The following FAM151B variants were observed in gnomAD, a reference collection of about 807,000 sequenced individuals.
The protein encoded by FAM151B is protein FAM151B.
A neutral mutation model predicts 31.2 loss-of-function variants in FAM151B; 24 were observed. The ratio of observed to expected loss-of-function variants is 0.77; its 90% CI spans 0.56 to 1.08. The LOEUF (loss-of-function observed/expected upper bound fraction) is 1.08, where lower values mean the gene tolerates loss of function less well. Among genes scored for constraint, FAM151B ranks in the 50% least tolerant of loss-of-function variants. FAM151B has a pLI of 0.00. For missense variants in FAM151B, 293 were observed against 328.6 expected, an observed-to-expected ratio of 0.89 and a Z score of 0.84; for synonymous variants, 105 against 111.4, an observed-to-expected ratio of 0.94 and a Z score of 0.36.
Position 80,538,524 on chromosome 5 carries a change from C to T in FAM151B, c.672-3149C>T, listed in dbSNP as rs1244681501. 1.6e-4 allele frequency among the ~76,000 whole-genome samples: 13 copies of T among 82,898 alleles called. 1 individual carries two copies. Among genetic ancestry groups the T allele is most frequent in the African/African-American group, 1.0e-3 (10 of 10,048 alleles). 54.4% of individuals were successfully genotyped at this position (82,898 alleles called of 152,430 possible). On this transcript the variant is annotated intron_variant, in intron 5 of 5. Coordinates refer to ENST00000282226, the MANE Select transcript of FAM151B (RefSeq NM_205548.3). ...CTTTCTTTTCTTTCTTTCCTTCCTTCCTTCCTTCCTTCCTTCCTTCCTTCC... is the reference window on the plus strand; with the variant it reads ...CTTTCTTTTCTTTCTTTCCTTCCTTTCTTCCTTCCTTCCTTCCTTCCTTCC...
chr5:80,512,722 C>T (rs535403973), intron 2 of FAM151B, among the ~76,000 whole-genome samples: 137 of 146,428 alleles, frequency 9.4e-4, no homozygotes, highest in Non-Finnish European at 1.5e-3. Context: ...GTCAAAGCTT[C>T]GGTGAAGTAT....
chr5:80,501,317 G>C, intron 1 of FAM151B: 1 of 1,090,518 alleles, frequency 9.2e-7, no homozygotes, highest in Non-Finnish European at 1.3e-6. Flanking sequence ...ACCGCGCCCG[G>C]CCGAGAGACC....
chr5:80,534,138 C>G (rs766372093), intron 5 of FAM151B, among the ~76,000 whole-genome samples: 31 of 151,724 alleles, frequency 2.0e-4, no homozygotes, highest in Non-Finnish European at 4.0e-4. Context: ...TAAAGAAAAC[C>G]CTGGGACCCG....
intron 1 of FAM151B, among the ~76,000 whole-genome samples, chr5:80,491,202 C>CTAT (rs60195799): frequency 1.8e-3 from 262 of 147,694 alleles, no homozygotes; most frequent in Middle Eastern, 0.011. Context: ...ATATAATACA[C>CTAT]TATTATTATT....
intron 1 of FAM151B, among the ~76,000 whole-genome samples, chr5:80,489,817 A>ATTAG (rs1159477938): frequency 6.7e-6 from 1 of 150,200 alleles, no homozygotes; most frequent in Non-Finnish European, 1.5e-5. Flanking sequence ...TCAACTACTA[A>ATTAG]GGAGGCTGAG....
chr5:80,518,344 A>C (rs984808884), intron 3 of FAM151B, among the ~76,000 whole-genome samples: 5 of 152,282 alleles, frequency 3.3e-5, no homozygotes, highest in African/African-American at 1.2e-4. Flanking sequence ...GCAGCACCTC[A>C]TGGGGACTTG....
chr5:80,506,107 GA>G, intron 2 of FAM151B: 11 of 985,396 alleles, frequency 1.1e-5, no homozygotes, highest in Non-Finnish European at 9.6e-6. Context: ...CAAGCATATG[GA>G]AACTGGTTCC....
intron 4 of FAM151B, among the ~76,000 whole-genome samples, 158 bp downstream of exon 4, chr5:80,520,068 C>T (rs1454052369): frequency 6.6e-6 from 1 of 152,164 alleles, no homozygotes; most frequent in Non-Finnish European, 1.5e-5. Flanking sequence ...CTTCCATCTG[C>T]TCTTTCAGAT....
intron 1 of FAM151B, among the ~76,000 whole-genome samples, chr5:80,488,851 T>C (rs923054791): frequency 5.9e-5 from 9 of 152,094 alleles, no homozygotes; most frequent in Admixed American, 2.0e-4. Context: ...TGGAATAAAA[T>C]GTGTGTGTAA....
chr5:80,488,258 G>C, intron 1 of FAM151B, 110 bp downstream of exon 1: 1 of 1,349,242 alleles, frequency 7.4e-7, no homozygotes, highest in Non-Finnish European at 9.9e-7. Context: ...AGGGACCTGG[G>C]AGCGCGCCGC....
chr5:80,530,749 A>G (rs1301804352), intron 5 of FAM151B, among the ~76,000 whole-genome samples: 1 of 152,210 alleles, frequency 6.6e-6, no homozygotes, highest in African/African-American at 2.4e-5. Flanking sequence ...ACACAAACAA[A>G]TGGAAGAACA....
intron 2 of FAM151B, chr5:80,505,916 C>T: frequency 5.7e-6 from 1 of 176,120 alleles, no homozygotes; most frequent in Non-Finnish European, 1.2e-5. Context: ...ACCACCACAC[C>T]CGGCTAATTT....
chr5:80,496,912 G>A (rs1383957909), intron 1 of FAM151B, among the ~76,000 whole-genome samples: 1 of 142,374 alleles, frequency 7.0e-6, no homozygotes, highest in Non-Finnish European at 1.5e-5. Flanking sequence ...CTGGGTTCGA[G>A]CTATTTCCCT....
At chr5:80,502,536 C>T (rs1359240349) in intron 2 of FAM151B, among the ~76,000 whole-genome samples, 3 of 152,166 alleles carry the variant, frequency 2.0e-5, no homozygotes, top group African/African-American at 7.2e-5. Flanking sequence ...CTTTGGTTTA[C>T]TGATTCAACC....
intron 1 of FAM151B, chr5:80,498,625 C>T: frequency 1.3e-6 from 1 of 776,606 alleles, no homozygotes; most frequent in African/African-American, 1.7e-5. Flanking sequence ...CCAGCACCAT[C>T]TGAATGGCAC....
At chr5:80,513,846 T>G in intron 3 of FAM151B, 77 bp downstream of exon 3, 1 of 1,336,512 alleles carries the variant, frequency 7.5e-7, no homozygotes, top group Non-Finnish European at 1.0e-6. Flanking sequence ...TTTAATGTTA[T>G]CCAAACTGAA....
At chr5:80,490,911 C>A (rs1031499875) in intron 1 of FAM151B, among the ~76,000 whole-genome samples, 1 of 152,144 alleles carries the variant, frequency 6.6e-6, no homozygotes, top group African/African-American at 2.4e-5. Context: ...GGTACATTGT[C>A]TTTAATGGTA....
At chr5:80,488,822 T>G (rs1246600069) in intron 1 of FAM151B, among the ~76,000 whole-genome samples, 1 of 152,186 alleles carries the variant, frequency 6.6e-6, no homozygotes, top group East Asian at 1.9e-4. Flanking sequence ...TCTGAATCGA[T>G]GCACAGTTTA....
intron 5 of FAM151B, among the ~76,000 whole-genome samples, chr5:80,526,402 G>T (rs1744972630): frequency 6.7e-6 from 1 of 150,214 alleles, no homozygotes; most frequent in African/African-American, 2.5e-5. Flanking sequence ...GAGGTCAGGA[G>T]TTCAAGACCA....
Sources: gnomAD v4.1 joint callset for allele counts (sites outside exome capture counted in the v4.1 genomes callset) on GRCh38, gnomAD v4.1.1 for gene constraint, MANE v1.5 for transcripts, NCBI Gene and HGNC (gene_info 2026-07-23, HGNC 2026-07-21) for gene names.